CHORDC1: variants seen among roughly 807,000 people sequenced by gnomAD.
CHORDC1 encodes the protein cysteine and histidine rich domain containing 1.
Under a neutral mutation model 48.3 loss-of-function variants are expected in CHORDC1, and 25 were observed. That is an observed-to-expected ratio of 0.52 (90% CI 0.38 to 0.72). The LOEUF is 0.72. Ranked by LOEUF, CHORDC1 falls within the 30% of genes least tolerant of loss-of-function variation. The probability of loss-of-function intolerance (pLI) is 0.00; values close to 1 mark genes in which losing one functional copy is unlikely to be tolerated. For missense variants in CHORDC1, 317 were observed against 388.7 expected, an observed-to-expected ratio of 0.82 and a Z score of 1.55; for synonymous variants, 128 against 126.4, an observed-to-expected ratio of 1.01 and a Z score of -0.09.
At chr11:90,203,702 GAC>G (rs1857598739) in intron 8 of CHORDC1, among the ~76,000 whole-genome samples, 1 of 151,944 alleles carries the variant, frequency 6.6e-6, no homozygotes, top group Admixed American at 6.6e-5. Context: ...CAGCTAAAAA[GAC>G]AATTTAAGAA....
chr11:90,206,349 G>T, intron 6 of CHORDC1, 77 bp from the exon 7 acceptor site: 2 of 812,954 alleles, frequency 2.5e-6, no homozygotes, highest in South Asian at 2.9e-5. Context: ...CAGTATTGGT[G>T]ACCTCTACGA....
In CHORDC1 at chr11:90,206,307, C is replaced by T. The variant is rs558923590; in HGVS notation, c.493-35G>A. The T allele has an allele frequency of 1.5e-5, 17 of 1,161,492 alleles. No homozygotes were observed. In the East Asian group the frequency reaches 1.6e-4, roughly 11 times the overall value. The allele number at this position is 1,161,492 out of a possible 1,614,324, so 71.9% of individuals were successfully genotyped here. ...AAACAAAGAGAAAAAAAATTAGCTG[C>T]GTATCTTACAGTTACATCTCATACA... is the stretch of plus-strand genomic sequence containing the variant. On this transcript the variant is annotated intron_variant, in intron 6 of 10. Transcript: ENST00000320585.
intron 5 of CHORDC1, 181 bp from the exon 6 acceptor site, chr11:90,210,775 C>A (rs1857838654): frequency 1.8e-6 from 1 of 566,614 alleles, no homozygotes; most frequent in Admixed American, 3.2e-5. Flanking sequence ...GACCTGGTGT[C>A]TTCAACAATG....
In CHORDC1 at chr11:90,202,474, C is replaced by G; in HGVS notation, c.930G>C (p.Met310Ile). 1.9e-6 allele frequency: 3 copies of G among 1,612,512 alleles called. No individual in the cohort carries two copies. Among genetic ancestry groups the G allele is most frequent in the Non-Finnish European group, 2.5e-6 (3 of 1,179,682 alleles). Reference protein sequence around the residue: ...IEITMRKAEPMQWASLELPAA... With the variant: ...IEITMRKAEPIQWASLELPAA... ...CAGGCAGTTCAAGGCTTGCCCACTG[C>G]ATCGGTTCAGCTTTTCTCATAGTGA... The change falls in exon 11 of 11, where the codon ATG becomes ATC. Residue 310 changes from methionine to isoleucine, a missense_variant. Transcript: ENST00000320585.
intron 4 of CHORDC1, chr11:90,213,235 A>G (rs1591056309): frequency 3.7e-6 from 2 of 541,188 alleles, no homozygotes; most frequent in East Asian, 5.7e-5. Context: ...ATATTATTCA[A>G]TACTCTATAA....
At chr11:90,207,886 T>C (rs116931344) in intron 6 of CHORDC1, 9 of 150,564 alleles carry the variant, frequency 6.0e-5, no homozygotes, top group African/African-American at 2.0e-4. Context: ...TGGAAAACTA[T>C]GTGGAAGTAT....
Position 90,200,979 on chromosome 11 carries a change from T to A in CHORDC1, c.*1426A>T, listed in dbSNP as rs1251365006. On this transcript the variant is annotated 3_prime_UTR_variant, in exon 11 of 11. Coordinates refer to ENST00000320585, the MANE Select transcript of CHORDC1 (RefSeq NM_012124.3). Reference sequence around the variant, plus strand: ...GGTCCAACTTTTACTGCCCAGAGTTTCTTGTCATGGTAATGTAACATCATG... The same window carrying A: ...GGTCCAACTTTTACTGCCCAGAGTTACTTGTCATGGTAATGTAACATCATG... 1.3e-5 allele frequency among the ~76,000 whole-genome samples: 2 copies of A among 152,144 alleles called. No individual in the cohort carries two copies. Among genetic ancestry groups the A allele is most frequent in the Non-Finnish European group, 2.9e-5 (2 of 67,864 alleles).
chr11:90,210,387 C>T, intron 6 of CHORDC1, 149 bp downstream of exon 6: 1 of 529,052 alleles, frequency 1.9e-6, no homozygotes, highest in Non-Finnish European at 3.4e-6. Flanking sequence ...TACTCAGAGT[C>T]TCTTATCCAT....
chr11:90,219,810 A>C (rs1858119619), intron 1 of CHORDC1, among the ~76,000 whole-genome samples: 1 of 152,310 alleles, frequency 6.6e-6, no homozygotes, highest in South Asian at 2.1e-4. Context: ...TAGGGTCTCC[A>C]CGACCAAGCT....
chr11:90,218,088 C>G, intron 2 of CHORDC1, 47 bp downstream of exon 2: 1 of 1,324,722 alleles, frequency 7.5e-7, no homozygotes, highest in Non-Finnish European at 1.0e-6. Context: ...TATTACATCT[C>G]TCAATTTACT....
chr11:90,212,779 A>G (rs1591055963), intron 4 of CHORDC1: 2 of 149,100 alleles, frequency 1.3e-5, no homozygotes, highest in East Asian at 4.0e-4. Context: ...CTACATGAGC[A>G]CACCACCAAA....
At chr11:90,211,535 A>C in intron 4 of CHORDC1, 1 of 401,436 alleles carries the variant, frequency 2.5e-6, no homozygotes, top group South Asian at 2.7e-5. Context: ...GTAAGTCTCA[A>C]ATAATCACGC....
chr11:90,222,984 C>G lies in CHORDC1; in HGVS notation c.-30G>C. The stretch of plus-strand genomic sequence containing the variant: ...TTTTCCCACCGTCACAGGCAAGGCC[C>G]AAACACCGGGAACGGCAAGAGGATG... On this transcript the variant is annotated 5_prime_UTR_variant, in exon 1 of 11. Coordinates refer to ENST00000320585, the MANE Select transcript of CHORDC1 (RefSeq NM_012124.3). 1 of 1,594,416 alleles carries G rather than the reference C, an allele frequency of 6.3e-7. No individual in the cohort carries two copies. Among genetic ancestry groups the G allele is most frequent in the Non-Finnish European group, 8.6e-7 (1 of 1,162,450 alleles).
rs779720909 is a variant in CHORDC1, at chr11:90,205,513, A to G, written c.616T>C (p.Leu206=). ...CCTTTTGTACAGCCCTCTTGGGCTA[A>G]GAATGTATTAAAATCAGAAGTTTTT... ...RRKTSDFNTF[L]AQEGCTKGKH... The change falls in exon 8 of 11, where the codon TTA becomes CTA. Residue 206 remains leucine, a synonymous_variant. Transcript: ENST00000320585. 1 of 1,604,714 alleles carries G rather than the reference A, an allele frequency of 6.2e-7. No homozygotes were observed. Among genetic ancestry groups the G allele is most frequent in the Non-Finnish European group, 8.5e-7 (1 of 1,177,704 alleles).
rs1857549485 is a variant in CHORDC1, at chr11:90,201,763, T to C, written c.*642A>G. ...TAACCAAATTGATACCTCTGTAATCTTATTTATGTTTCCTATAACATCATA... is the reference window on the plus strand; with the variant it reads ...TAACCAAATTGATACCTCTGTAATCCTATTTATGTTTCCTATAACATCATA... On this transcript the variant is annotated 3_prime_UTR_variant, in exon 11 of 11. Transcript: ENST00000320585. The C allele has an allele frequency of 6.6e-6, 1 of 152,420 alleles. No individual in the cohort carries two copies. Among genetic ancestry groups the C allele is most frequent in the African/African-American group, 2.4e-5 (1 of 41,428 alleles). The allele number at this position is 152,420 out of a possible 1,614,324, so 9.4% of individuals were successfully genotyped here. A position where few individuals can be genotyped will look rare whatever the true frequency, so the allele number is the denominator to read the frequency against.
At chr11:90,221,569 T>C (rs1234590775) in intron 1 of CHORDC1, among the ~76,000 whole-genome samples, 1 of 152,220 alleles carries the variant, frequency 6.6e-6, no homozygotes, top group Non-Finnish European at 1.5e-5. Context: ...GTATTCTATA[T>C]TAAAGTAGAA....
chr11:90,221,231 T>TA (rs1458203698), intron 1 of CHORDC1, among the ~76,000 whole-genome samples: 1 of 152,324 alleles, frequency 6.6e-6, no homozygotes, highest in East Asian at 1.9e-4. Flanking sequence ...AACCTCTTCC[T>TA]AAAAAACCTC....
chr11:90,204,817 AACAG>A (rs1467770212), intron 8 of CHORDC1, among the ~76,000 whole-genome samples: 1 of 152,166 alleles, frequency 6.6e-6, no homozygotes, highest in Non-Finnish European at 1.5e-5. Flanking sequence ...AACAATAGCT[AACAG>A]ACAAAAACTT....
chr11:90,205,299 A>G (rs1333747780), intron 8 of CHORDC1, among the ~76,000 whole-genome samples, 161 bp downstream of exon 8: 4 of 152,224 alleles, frequency 2.6e-5, no homozygotes, highest in African/African-American at 9.6e-5. Flanking sequence ...GTACACTGGC[A>G]GCTTGACTCA....
Sources: allele counts gnomAD v4.1 joint callset (sites outside exome capture counted in the v4.1 genomes callset), GRCh38; gene constraint gnomAD v4.1.1; transcripts MANE v1.5; gene names NCBI Gene and HGNC (gene_info 2026-07-23, HGNC 2026-07-21).